The following PLD5 variants were observed in gnomAD, a reference collection of about 807,000 sequenced individuals.
The protein encoded by PLD5 is inactive phospholipase D5.
Under a neutral mutation model 61.1 loss-of-function variants are expected in PLD5, and 36 were observed. That is an observed-to-expected ratio of 0.59 (90% confidence interval 0.45 to 0.78). The LOEUF is 0.78. Ranked by LOEUF, PLD5 falls within the 30% of genes least tolerant of loss-of-function variation. The pLI is 0.00. For missense variants in PLD5, 515 were observed against 644.4 expected (o/e 0.80, Z 2.17); for synonymous variants, 243 against 242.8 (o/e 1.00, Z -0.01).
chr1:242,150,104 A>AT (rs1664825671), intron 5 of PLD5, among the ~76,000 whole-genome samples: 1 of 151,628 alleles, frequency 6.6e-6, no homozygotes, highest in Non-Finnish European at 1.5e-5. Flanking sequence ...TATATGGGAT[A>AT]TTGTCCAGAT....
intron 4 of PLD5, among the ~76,000 whole-genome samples, chr1:242,224,700 T>C (rs1670816873): frequency 6.6e-6 from 1 of 152,172 alleles, no homozygotes; most frequent in Admixed American, 6.5e-5. Flanking sequence ...TGCTAGACTA[T>C]TCAGAGCCAA....
chr1:242,202,578 T>C (rs1405544628), intron 5 of PLD5, among the ~76,000 whole-genome samples: 2 of 152,260 alleles, frequency 1.3e-5, no homozygotes, highest in East Asian at 3.9e-4. Context: ...CGAGAGAGGC[T>C]GGATGGCTGT....
At chr1:242,112,285 G>A (rs1032796910) in intron 7 of PLD5, among the ~76,000 whole-genome samples, 8 of 50,804 alleles carry the variant, frequency 1.6e-4, no homozygotes, top group Non-Finnish European at 2.5e-4. Flanking sequence ...AGGATGCACT[G>A]TGTGTGTGTG....
chr1:242,403,276 A>T (rs1664042202), intron 1 of PLD5, among the ~76,000 whole-genome samples: 1 of 152,128 alleles, frequency 6.6e-6, no homozygotes, highest in Non-Finnish European at 1.5e-5. Context: ...CCAGGTCTGC[A>T]TGAACTTTGA....
chr1:242,143,442 G>A (rs1553308392), intron 5 of PLD5, among the ~76,000 whole-genome samples: 1 of 152,134 alleles, frequency 6.6e-6, no homozygotes, highest in Non-Finnish European at 1.5e-5. Flanking sequence ...ATTGGTGAAT[G>A]ACTGGTGAAT....
intron 4 of PLD5, among the ~76,000 whole-genome samples, chr1:242,223,995 A>G (rs1574554276): frequency 6.6e-6 from 1 of 152,112 alleles, no homozygotes; most frequent in Admixed American, 6.6e-5. Context: ...TTTTCATCCT[A>G]TTGGGTCTTT....
chr1:242,483,545 C>G (rs1667856427), intron 1 of PLD5, among the ~76,000 whole-genome samples: 1 of 152,088 alleles, frequency 6.6e-6, no homozygotes, highest in Admixed American at 6.5e-5. Flanking sequence ...ACAGGAGCAC[C>G]CACATTCATA....
intron 1 of PLD5, among the ~76,000 whole-genome samples, chr1:242,474,944 T>C (rs1394159655): frequency 6.6e-6 from 1 of 152,246 alleles, no homozygotes; most frequent in East Asian, 1.9e-4. Context: ...TATGTATTTA[T>C]ATGTATATTG....
chr1:242,271,217 G>C (rs199760253), intron 3 of PLD5, among the ~76,000 whole-genome samples: 35,577 of 121,204 alleles, frequency 0.29, 6,124 homozygotes, highest in Admixed American at 0.37. Flanking sequence ...GAGAGAGAGA[G>C]AGAGAGAGAG....
chr1:242,431,743 T>C (rs1572138262), intron 1 of PLD5, among the ~76,000 whole-genome samples: 1 of 152,228 alleles, frequency 6.6e-6, no homozygotes, highest in East Asian at 1.9e-4. Context: ...AGAACCACTG[T>C]CCCTTCATCT....
chr1:242,525,008 A>G (rs1252696703), upstream of PLD5, among the ~76,000 whole-genome samples: 1 of 152,086 alleles, frequency 6.6e-6, no homozygotes, highest in Non-Finnish European at 1.5e-5. Context: ...GACACTCAGG[A>G]AACCACCTCC....
chr1:242,158,938 C>T (rs1262447147), intron 5 of PLD5, among the ~76,000 whole-genome samples: 2 of 152,130 alleles, frequency 1.3e-5, no homozygotes, highest in African/African-American at 2.4e-5. Flanking sequence ...AATCCTTTCT[C>T]ATATGTTTTA....
At chr1:242,524,710 G>C (rs1237534525), upstream of PLD5, 1 of 146,028 alleles carries the variant, frequency 6.8e-6, no homozygotes, top group Non-Finnish European at 1.5e-5. Context: ...GACCCGGGCC[G>C]GCTCCCGGGG....
At chr1:242,322,620 G>A (rs897073228) in intron 2 of PLD5, among the ~76,000 whole-genome samples, 1 of 152,172 alleles carries the variant, frequency 6.6e-6, no homozygotes, top group Admixed American at 6.5e-5. Flanking sequence ...CTGGATCATG[G>A]GGGTGGATTT....
intron 1 of PLD5, among the ~76,000 whole-genome samples, chr1:242,384,346 C>T (rs1662474321): frequency 6.6e-6 from 1 of 152,216 alleles, no homozygotes; most frequent in African/African-American, 2.4e-5. Flanking sequence ...GGGATCCAGA[C>T]TGGATCCCAG....
intron 1 of PLD5, among the ~76,000 whole-genome samples, chr1:242,416,793 G>C (rs1664855329): frequency 6.6e-6 from 1 of 152,168 alleles, no homozygotes; most frequent in Non-Finnish European, 1.5e-5. Flanking sequence ...GATTCCCCTG[G>C]TAACTTCCTT....
Position 242,309,675 on chromosome 1 carries a change from A to AT in PLD5, c.327-21146dup, listed in dbSNP as rs57399949. 2.7e-5 allele frequency among the ~76,000 whole-genome samples: 4 copies of AT among 146,322 alleles called. No homozygotes were observed. In the South Asian group the frequency reaches 6.7e-4, roughly 24 times the overall value. ...AGGCATGAGCCACTGCACTTGGCCT[A>AT]TTTTTTTTATAATTCAAACTTTGTT... is the stretch of plus-strand genomic sequence containing the variant. On this transcript the variant is annotated intron_variant, in intron 2 of 9. Coordinates refer to ENST00000536534, the MANE Select transcript of PLD5 (RefSeq NM_001372062.1).
At chr1:242,157,615 T>C (rs1000883623) in intron 5 of PLD5, among the ~76,000 whole-genome samples, 1 of 152,182 alleles carries the variant, frequency 6.6e-6, no homozygotes, top group Non-Finnish European at 1.5e-5. Flanking sequence ...TGCTGGAGTT[T>C]GCTGGAGGTC....
At chr1:242,365,046 C>T (rs993515236) in intron 1 of PLD5, 13 of 150,974 alleles carry the variant, frequency 8.6e-5, no homozygotes, top group African/African-American at 2.9e-4. Flanking sequence ...AGATCCTACA[C>T]AAAATAAAAA....
Sources: gnomAD v4.1 joint callset for allele counts (sites outside exome capture counted in the v4.1 genomes callset) on GRCh38, gnomAD v4.1.1 for gene constraint, MANE v1.5 for transcripts, NCBI Gene and HGNC (gene_info 2026-07-23, HGNC 2026-07-21) for gene names.